TBL1XR1: variants seen among roughly 807,000 people sequenced by gnomAD.
The protein encoded by TBL1XR1 is F-box-like/WD repeat-containing protein TBL1XR1.
TBL1XR1 carries 5 observed loss-of-function variants against 66.9 expected under a neutral mutation model. That is an observed-to-expected ratio of 0.07 (90% confidence interval 0.04 to 0.16). TBL1XR1 has a LOEUF of 0.16. Ranked by LOEUF, TBL1XR1 falls within the 10% of genes least tolerant of loss-of-function variation. TBL1XR1 has a pLI of 1.00. For missense variants in TBL1XR1, 238 were observed against 623.2 expected, an observed-to-expected ratio of 0.38 and a Z score of 6.58; for synonymous variants, 210 against 206.0, an observed-to-expected ratio of 1.02 and a Z score of -0.17.
chr3:177,124,549 C>A (rs1727377890), intron 1 of TBL1XR1, among the ~76,000 whole-genome samples: 1 of 152,026 alleles, frequency 6.6e-6, no homozygotes, highest in East Asian at 1.9e-4. Flanking sequence ...TAAACAAACT[C>A]CTCAGCTTTA....
rs951797848 is a variant in TBL1XR1 at position 177,130,432 on chromosome 3, C to A, written c.-121-31891G>T. On this transcript the variant is annotated intron_variant, in intron 1 of 15. Coordinates refer to ENST00000457928, the MANE Select transcript of TBL1XR1 (RefSeq NM_024665.7). Reference sequence around the variant, plus strand: ...TCAGATATCGATTTGGGAATGATCACCAGGAAAGACAGTTAGGCAATAAAA... The same window carrying A: ...TCAGATATCGATTTGGGAATGATCAACAGGAAAGACAGTTAGGCAATAAAA... Among the ~76,000 whole-genome samples, 21 of 152,174 alleles carry A rather than the reference C, an allele frequency of 1.4e-4. No homozygotes were observed. The East Asian group carries it at 3.5e-3, about 25-fold the overall frequency.
At chr3:177,048,799 C>T (rs1416540240) in intron 7 of TBL1XR1, among the ~76,000 whole-genome samples, 1 of 152,162 alleles carries the variant, frequency 6.6e-6, no homozygotes, top group Non-Finnish European at 1.5e-5. Flanking sequence ...CCACACTTTT[C>T]AAAACTATAA....
intron 12 of TBL1XR1, among the ~76,000 whole-genome samples, chr3:177,035,104 G>A (rs1434038605): frequency 6.6e-6 from 1 of 152,136 alleles, no homozygotes; most frequent in Non-Finnish European, 1.5e-5. Flanking sequence ...AAGCATCAGA[G>A]TGTTTTTGGT....
Position 177,038,209 on chromosome 3 carries a change from T to C in TBL1XR1, c.1048-37A>G, listed in dbSNP as rs147146535. On this transcript the variant is annotated intron_variant, in intron 11 of 15. Coordinates refer to ENST00000457928, the MANE Select transcript of TBL1XR1 (RefSeq NM_024665.7). ...AGTAAATATTCACATTTTCATTGTATAGACTGGGTAGCTACTTGAATATTA... is the reference window on the plus strand; with the variant it reads ...AGTAAATATTCACATTTTCATTGTACAGACTGGGTAGCTACTTGAATATTA... 7,916 of 1,607,294 alleles carry C rather than the reference T, an allele frequency of 4.9e-3. 28 individuals are homozygous for C. Among genetic ancestry groups the C allele is most frequent in the Middle Eastern group, 9.1e-3 (55 of 6,030 alleles).
rs1162231683 is a variant in TBL1XR1, at chr3:177,156,246, AT to A, written c.-122+40874del. Among the ~76,000 whole-genome samples, 3 of 150,694 alleles carry A rather than the reference AT, an allele frequency of 2.0e-5. No homozygotes were observed. In the East Asian group the frequency reaches 5.9e-4, roughly 29 times the overall value. ...CCAGGCATGGTGGCTCACGCCTGTA[AT>A]CTAAGCACTTTGGGAGGCCAAGAAG... On this transcript the variant is annotated intron_variant, in intron 1 of 15. Coordinates refer to ENST00000457928, the MANE Select transcript of TBL1XR1 (RefSeq NM_024665.7).
intron 2 of TBL1XR1, among the ~76,000 whole-genome samples, chr3:177,086,177 G>A (rs1722094177): frequency 6.7e-6 from 1 of 150,228 alleles, no homozygotes; most frequent in African/African-American, 2.5e-5. Context: ...AAAAGAAACA[G>A]GCAGAATTTA....
At chr3:177,082,188 T>C (rs932037149) in intron 2 of TBL1XR1, among the ~76,000 whole-genome samples, 6 of 152,170 alleles carry the variant, frequency 3.9e-5, no homozygotes, top group African/African-American at 1.2e-4. Context: ...TTGAGAAAGT[T>C]ATAATATATA....
At position 177,147,934 on chromosome 3, in the gene TBL1XR1, A is replaced by G. The variant is rs75934523; in HGVS notation, c.-122+49187T>C. Among the ~76,000 whole-genome samples, 1,029 of 152,332 alleles carry G rather than the reference A, an allele frequency of 6.8e-3. 16 individuals carry two copies. The highest frequency in any genetic ancestry group is 0.023 in the African/African-American group (960 of 41,562). On this transcript the variant is annotated intron_variant, in intron 1 of 15. Transcript: ENST00000457928. ...AGTTCCTCTCACCTCCACACCAAAC[A>G]GTACCACATTTCACAGGGGACACAG...
chr3:177,141,830 C>G (rs1168420234), intron 1 of TBL1XR1, among the ~76,000 whole-genome samples: 1 of 152,140 alleles, frequency 6.6e-6, no homozygotes, highest in East Asian at 1.9e-4. Flanking sequence ...AACAGATAAA[C>G]AAAACATGGT....
In TBL1XR1 at chr3:177,024,329, T is replaced by C. The variant is rs994187879; in HGVS notation, c.*1169A>G. The C allele has an allele frequency of 2.6e-5, 4 of 152,594 alleles. No individual in the cohort carries two copies. Among genetic ancestry groups the C allele is most frequent in the African/African-American group, 9.6e-5 (4 of 41,464 alleles). The allele number at this position is 152,594 out of a possible 1,614,324, so 9.5% of individuals were successfully genotyped here. A position where few individuals can be genotyped will look rare whatever the true frequency, so the allele number is the denominator to read the frequency against. ...ATTTTGCCATGTAATGGCAGTGTTA[T>C]ATGCCGTTATCTTGCTTTGTATAAA... On this transcript the variant is annotated 3_prime_UTR_variant, in exon 16 of 16. Coordinates refer to ENST00000457928, the MANE Select transcript of TBL1XR1 (RefSeq NM_024665.7).
At chr3:177,096,491 T>A (rs887813597) in intron 2 of TBL1XR1, among the ~76,000 whole-genome samples, 4 of 152,138 alleles carry the variant, frequency 2.6e-5, no homozygotes, top group African/African-American at 7.2e-5. Context: ...CACATAAAAA[T>A]TTTTCACTTA....
At chr3:177,091,283 T>TA (rs1722812184) in intron 2 of TBL1XR1, 3 of 152,158 alleles carry the variant, frequency 2.0e-5, no homozygotes, top group Non-Finnish European at 4.4e-5. Flanking sequence ...TTATATTATG[T>TA]TTATTTTCTA....
chr3:177,074,963 G>C (rs981494735), intron 2 of TBL1XR1, among the ~76,000 whole-genome samples: 2 of 152,150 alleles, frequency 1.3e-5, no homozygotes, highest in East Asian at 3.8e-4. Flanking sequence ...AAAATGTAAT[G>C]ATGTAAGACA....
At chr3:177,093,155 T>G (rs1195443105) in intron 2 of TBL1XR1, among the ~76,000 whole-genome samples, 1 of 152,110 alleles carries the variant, frequency 6.6e-6, no homozygotes, top group Non-Finnish European at 1.5e-5. Flanking sequence ...ATCTAACTCT[T>G]CTATACATCA....
chr3:177,112,900 G>A (rs1002414305), intron 1 of TBL1XR1, among the ~76,000 whole-genome samples: 16 of 152,168 alleles, frequency 1.1e-4, no homozygotes, highest in African/African-American at 3.9e-4. Flanking sequence ...CTACTCGGGA[G>A]GCTGAGGCAG....
chr3:177,034,233 C>T lies in TBL1XR1; in HGVS notation c.1215G>A (p.Gly405=). The change falls in exon 13 of 16, where the codon GGG becomes GGA. Residue 405 remains glycine, a synonymous_variant. Coordinates refer to ENST00000457928, the MANE Select transcript of TBL1XR1 (RefSeq NM_024665.7). ...TAAGGTTGGCATTTGGATTATTAGT[C>T]CCTGGTCCTGTTGGACTCCATTTGA... ...YTIKWSPTGP[G]TNNPNANLML... 1 of 1,600,758 alleles carries T rather than the reference C, an allele frequency of 6.2e-7. No individual in the cohort carries two copies. The highest frequency in any genetic ancestry group is 8.5e-7 in the Non-Finnish European group (1 of 1,176,938).
At chr3:177,134,540 C>A (rs910866964) in intron 1 of TBL1XR1, among the ~76,000 whole-genome samples, 1 of 152,238 alleles carries the variant, frequency 6.6e-6, no homozygotes, top group East Asian at 1.9e-4. Context: ...CAGTTATAGG[C>A]AAAACAGTAC....
chr3:177,145,144 T>C (rs1195540961), intron 1 of TBL1XR1, among the ~76,000 whole-genome samples: 1 of 152,154 alleles, frequency 6.6e-6, no homozygotes, highest in African/African-American at 2.4e-5. Flanking sequence ...GCAGGAACCT[T>C]GGAAAGTCCC....
At chr3:177,143,661 T>C (rs1157319938) in intron 1 of TBL1XR1, among the ~76,000 whole-genome samples, 4 of 152,208 alleles carry the variant, frequency 2.6e-5, no homozygotes, top group Non-Finnish European at 4.4e-5. Flanking sequence ...GTAACTACCA[T>C]GTGAAGTAGG....
Sources: allele counts gnomAD v4.1 joint callset (sites outside exome capture counted in the v4.1 genomes callset), GRCh38; gene constraint gnomAD v4.1.1; transcripts MANE v1.5; gene names NCBI Gene and HGNC (gene_info 2026-07-23, HGNC 2026-07-21).